Variants in TGS1 observed in about 807,000 individuals in gnomAD.
TGS1 encodes the protein trimethylguanosine synthase.
Under a neutral mutation model 92.2 loss-of-function variants are expected in TGS1, and 69 were observed. The ratio of observed to expected loss-of-function variants is 0.75; its 90% CI spans 0.62 to 0.91. TGS1 has a LOEUF of 0.91. Among genes scored for constraint, TGS1 ranks in the 40% least tolerant of loss-of-function variants. TGS1 has a pLI of 0.00. For missense variants in TGS1, 1,062 were observed against 1,001.2 expected (o/e 1.06, Z -0.82); for synonymous variants, 345 against 338.1 (o/e 1.02, Z -0.22).
In TGS1 at chr8:55,825,202, G is replaced by C. The variant is rs569008326; in HGVS notation, c.*499G>C. 6.5e-6 allele frequency: 1 copy of C among 152,828 alleles called. No individual in the cohort carries two copies. The highest frequency in any genetic ancestry group is 2.1e-4 in the South Asian group (1 of 4,848). The allele number at this position is 152,828 out of a possible 1,614,324, so 9.5% of individuals were successfully genotyped here. The stretch of plus-strand genomic sequence containing the variant: ...CTCCCCAAGTGCTGGAATTACAGGC[G>C]TGAGCTACTGTGCCCAGCCTTACGG... On this transcript the variant is annotated 3_prime_UTR_variant, in exon 13 of 13. Coordinates refer to ENST00000260129, the MANE Select transcript of TGS1 (RefSeq NM_024831.8).
At chr8:55,805,140 T>C in intron 10 of TGS1, 104 bp downstream of exon 10, 1 of 766,804 alleles carries the variant, frequency 1.3e-6, no homozygotes, top group Admixed American at 3.4e-5. Context: ...ATATAATTAA[T>C]AATTTAATAT....
At chr8:55,790,322 C>T in intron 5 of TGS1, 23 bp downstream of exon 5, 1 of 1,489,696 alleles carries the variant, frequency 6.7e-7, no homozygotes, top group Non-Finnish European at 9.4e-7. Context: ...AGACCCCTCT[C>T]ACCAGAGCGT....
chr8:55,776,379 C>T (rs1811400142), intron 1 of TGS1, among the ~76,000 whole-genome samples: 1 of 149,446 alleles, frequency 6.7e-6, no homozygotes, highest in Admixed American at 6.8e-5. Flanking sequence ...CCCCTGGGTT[C>T]ACGCCATTCT....
At position 55,824,739 on chromosome 8, in the gene TGS1, G is replaced by T; in HGVS notation, c.*36G>T. 6.2e-7 allele frequency: 1 copy of T among 1,606,690 alleles called. No homozygotes were observed. The highest frequency in any genetic ancestry group is 1.7e-5 in the Admixed American group (1 of 59,152). On this transcript the variant is annotated 3_prime_UTR_variant, in exon 13 of 13. Coordinates refer to ENST00000260129, the MANE Select transcript of TGS1 (RefSeq NM_024831.8). ...GTGCGAGGACAAAAGATCATGGAGT[G>T]GTCAAAATATTCAGATGAGACATTT...
intron 1 of TGS1, among the ~76,000 whole-genome samples, chr8:55,780,653 T>C (rs1454896325): frequency 6.6e-6 from 1 of 152,194 alleles, no homozygotes; most frequent in Admixed American, 6.5e-5. Flanking sequence ...CATTGATAAC[T>C]TCCCCCTGAA....
rs763371313 is a variant in TGS1 at position 55,786,945 on chromosome 8, T to C, written c.1047T>C (p.Ser349=). The C allele has an allele frequency of 1.2e-5, 20 of 1,613,920 alleles. No individual in the cohort carries two copies. The highest frequency in any genetic ancestry group is 3.3e-4 in the Middle Eastern group (2 of 6,084). ...GTCATGATGGTCATCAACAGCTAAGTGAAGTTAGTAGCAAAAGAGAGTGCC... is the reference window on the plus strand; with the variant it reads ...GTCATGATGGTCATCAACAGCTAAGCGAAGTTAGTAGCAAAAGAGAGTGCC... ...CTSHDGHQQL[S]EVSSKRECPA... The change falls in exon 4 of 13, where the codon AGT becomes AGC. Residue 349 remains serine, a synonymous_variant. Coordinates refer to ENST00000260129, the MANE Select transcript of TGS1 (RefSeq NM_024831.8).
At chr8:55,805,160 T>C (rs1812331528) in intron 10 of TGS1, 124 bp downstream of exon 10, 2 of 660,382 alleles carry the variant, frequency 3.0e-6, no homozygotes, top group Non-Finnish European at 4.5e-6. Context: ...TGAAATGATA[T>C]AAAATAATAG....
chr8:55,790,492 C>CT (rs1391032058), intron 5 of TGS1, among the ~76,000 whole-genome samples, 193 bp downstream of exon 5: 4 of 135,704 alleles, frequency 2.9e-5, no homozygotes, highest in African/African-American at 5.8e-5. Flanking sequence ...CTCACAAACT[C>CT]TAAGTACATT....
chr8:55,819,553 C>A (rs569471877), intron 12 of TGS1, among the ~76,000 whole-genome samples: 161 of 151,928 alleles, frequency 1.1e-3, no homozygotes, highest in African/African-American at 3.8e-3. Flanking sequence ...CTGCCTCAGC[C>A]TCCCAAAGTT....
chr8:55,822,338 G>A (rs1803668942), intron 12 of TGS1, among the ~76,000 whole-genome samples: 1 of 151,960 alleles, frequency 6.6e-6, no homozygotes, highest in Admixed American at 6.6e-5. Context: ...CCAAAGTGCT[G>A]GGATTACAGG....
At chr8:55,778,831 C>A (rs1291278633) in intron 1 of TGS1, among the ~76,000 whole-genome samples, 1 of 152,216 alleles carries the variant, frequency 6.6e-6, no homozygotes. Flanking sequence ...TCAGATATTG[C>A]TAAGAATCTT....
At chr8:55,780,501 A>G (rs1345250425) in intron 1 of TGS1, among the ~76,000 whole-genome samples, 3 of 152,188 alleles carry the variant, frequency 2.0e-5, no homozygotes, top group African/African-American at 7.2e-5. Flanking sequence ...ACAGTATACC[A>G]TCATGGGTGA....
Position 55,782,728 on chromosome 8 carries a change from C to A in TGS1, c.102-20C>A. 1 of 1,576,830 alleles carries A rather than the reference C, an allele frequency of 6.3e-7. No homozygotes were observed. ...ATGGCTTAATTCATTTCAATATGAA[C>A]TGCTTAATCTGCTTCGCAGGGATCG... On this transcript the variant is annotated intron_variant, in intron 1 of 12. Transcript: ENST00000260129.
intron 11 of TGS1, among the ~76,000 whole-genome samples, chr8:55,812,196 C>T (rs1157166500): frequency 6.6e-6 from 1 of 152,064 alleles, no homozygotes; most frequent in Non-Finnish European, 1.5e-5. Flanking sequence ...ATCTGTTTGA[C>T]TCTTAACAGG....
At chr8:55,778,668 T>C (rs902664763) in intron 1 of TGS1, among the ~76,000 whole-genome samples, 12 of 152,206 alleles carry the variant, frequency 7.9e-5, no homozygotes, top group Non-Finnish European at 1.3e-4. Flanking sequence ...TCTGTGTGCT[T>C]TTACAAAACT....
intron 12 of TGS1, among the ~76,000 whole-genome samples, chr8:55,821,411 C>T (rs1803630127): frequency 6.6e-6 from 1 of 152,142 alleles, no homozygotes; most frequent in Non-Finnish European, 1.5e-5. Flanking sequence ...TTTGCACAGA[C>T]TTCAGAACTC....
intron 2 of TGS1, 150 bp from the exon 3 acceptor site, chr8:55,785,569 C>T (rs1811684668): frequency 5.6e-6 from 3 of 538,974 alleles, no homozygotes; most frequent in Non-Finnish European, 9.7e-6. Flanking sequence ...TGTTGTGAGA[C>T]CCCCATCTCT....
chr8:55,808,863 G>A (rs1803264110), intron 10 of TGS1, among the ~76,000 whole-genome samples: 1 of 152,144 alleles, frequency 6.6e-6, no homozygotes. Context: ...ATTCACAGGT[G>A]TTCCATGAAT....
intron 6 of TGS1, 50 bp downstream of exon 6, chr8:55,792,834 C>A: frequency 8.0e-7 from 1 of 1,249,166 alleles, no homozygotes; most frequent in Non-Finnish European, 1.2e-6. Context: ...ACCACTTCAA[C>A]TATCTTAGAG....
Sources: allele counts gnomAD v4.1 joint callset (sites outside exome capture counted in the v4.1 genomes callset), GRCh38; gene constraint gnomAD v4.1.1; transcripts MANE v1.5; gene names NCBI Gene and HGNC (gene_info 2026-07-23, HGNC 2026-07-21).